Variants in FAM169A observed in about 807,000 individuals in gnomAD.
FAM169A encodes soluble lamin-associated protein of 75 kDa.
In FAM169A, 24 loss-of-function variants were observed where a neutral mutation model predicts 75.7. The observed-to-expected ratio is 0.32, with a 90% CI of 0.23 to 0.45. The LOEUF (loss-of-function observed/expected upper bound fraction) is 0.45. Ranked by LOEUF, FAM169A falls within the 20% of genes least tolerant of loss-of-function variation. FAM169A has a pLI of 1.00. For synonymous variants in FAM169A, 271 were observed against 271.0 expected (o/e 1.00, Z 0.00); for missense variants, 673 against 784.0 (o/e 0.86, Z 1.69).
In FAM169A at chr5:74,778,107, A is replaced by G. The variant is rs1745213346; in HGVS notation, c.*3353T>C. 1 of 152,082 alleles carries G rather than the reference A, an allele frequency of 6.6e-6. No individual in the cohort carries two copies. The highest frequency in any genetic ancestry group is 1.9e-4 in the East Asian group (1 of 5,208). The allele number at this position is 152,082 out of a possible 1,614,324, so 9.4% of individuals were successfully genotyped here. A position where few individuals can be genotyped will look rare whatever the true frequency, so the allele number is the denominator to read the frequency against. On this transcript the variant is annotated 3_prime_UTR_variant, in exon 13 of 13. Coordinates refer to ENST00000687041, the MANE Select transcript of FAM169A (RefSeq NM_001376049.1). ...GTAATTTCTGGATACTACAAAAATG[A>G]AGTTTGCTTGTTTTTTTTAGAACCA...
intron 6 of FAM169A, among the ~76,000 whole-genome samples, chr5:74,806,783 T>C (rs996330910): frequency 6.6e-6 from 1 of 152,160 alleles, no homozygotes; most frequent in African/African-American, 2.4e-5. Context: ...GTACTCAGAA[T>C]ATATAAAGAA....
intron 8 of FAM169A, among the ~76,000 whole-genome samples, chr5:74,802,396 A>G (rs570910214): frequency 7.1e-4 from 108 of 152,120 alleles, no homozygotes; most frequent in African/African-American, 2.5e-3. Context: ...AAAAAAAAAA[A>G]GAGGAAAAAA....
At chr5:74,865,070 T>G (rs987341717) in intron 1 of FAM169A, among the ~76,000 whole-genome samples, 1 of 152,246 alleles carries the variant, frequency 6.6e-6, no homozygotes, top group Non-Finnish European at 1.5e-5. Flanking sequence ...GTGTGCATTA[T>G]GCAACAGCCA....
At chr5:74,839,307 T>C (rs932016752) in intron 3 of FAM169A, among the ~76,000 whole-genome samples, 11 of 152,134 alleles carry the variant, frequency 7.2e-5, no homozygotes, top group Non-Finnish European at 1.5e-4. Flanking sequence ...GGGAGGGACC[T>C]GGTGAGAGGT....
intron 1 of FAM169A, among the ~76,000 whole-genome samples, chr5:74,860,234 T>C (rs1229619950): frequency 6.6e-6 from 1 of 152,194 alleles, no homozygotes; most frequent in African/African-American, 2.4e-5. Context: ...TCAGAATAAA[T>C]TAATCAGGTA....
intron 3 of FAM169A, 134 bp downstream of exon 3, chr5:74,839,940 T>C (rs1329928133): frequency 1.1e-5 from 6 of 546,172 alleles, no homozygotes; most frequent in African/African-American, 3.9e-5. Context: ...AATTAAGAAT[T>C]ACATTTTAAT....
chr5:74,792,238 A>G (rs1746014920), intron 11 of FAM169A, among the ~76,000 whole-genome samples: 1 of 152,168 alleles, frequency 6.6e-6, no homozygotes, highest in African/African-American at 2.4e-5. Context: ...GATTGGATTG[A>G]AGGATGCAAA....
intron 10 of FAM169A, 56 bp downstream of exon 10, chr5:74,800,824 T>C (rs1467705615): frequency 2.6e-5 from 24 of 920,496 alleles, no homozygotes; most frequent in Non-Finnish European, 3.3e-5. Context: ...TATAAAAGTA[T>C]AAACAAAAAA....
intron 10 of FAM169A, among the ~76,000 whole-genome samples, chr5:74,798,803 A>G (rs781763710): frequency 4.6e-5 from 7 of 152,214 alleles, no homozygotes; most frequent in Non-Finnish European, 8.8e-5. Flanking sequence ...AATTCACTGT[A>G]CTATTTATGG....
At chr5:74,836,545 G>T (rs1014733712) in intron 4 of FAM169A, among the ~76,000 whole-genome samples, 1 of 152,178 alleles carries the variant, frequency 6.6e-6, no homozygotes, top group African/African-American at 2.4e-5. Context: ...TTAAGTGTTT[G>T]TTAAGTACAA....
At chr5:74,840,830 AAAAAAAAAC>A (rs1014862792) in intron 2 of FAM169A, among the ~76,000 whole-genome samples, 2 of 151,730 alleles carry the variant, frequency 1.3e-5, no homozygotes, top group Non-Finnish European at 2.9e-5. Flanking sequence ...CTCCATCTCA[AAAAAAAAAC>A]AAAAAAAAAA....
At chr5:74,789,334 G>A (rs909294711) in intron 11 of FAM169A, among the ~76,000 whole-genome samples, 2 of 152,192 alleles carry the variant, frequency 1.3e-5, no homozygotes, top group Non-Finnish European at 2.9e-5. Context: ...GTTTCTAGGG[G>A]TCCAGTGGTG....
chr5:74,803,787 C>G (rs540927861), intron 8 of FAM169A, among the ~76,000 whole-genome samples: 1 of 152,144 alleles, frequency 6.6e-6, no homozygotes, highest in African/African-American at 2.4e-5. Flanking sequence ...GCATTACATT[C>G]TACAAAGACT....
intron 5 of FAM169A, among the ~76,000 whole-genome samples, chr5:74,815,021 C>T (rs1747396599): frequency 1.3e-5 from 2 of 152,078 alleles, no homozygotes; most frequent in Admixed American, 6.5e-5. Context: ...ATTTAATGAG[C>T]TGATCAATAT....
chr5:74,792,524 T>TCCTTGCTC (rs140520337), intron 11 of FAM169A, among the ~76,000 whole-genome samples: 15 of 151,728 alleles, frequency 9.9e-5, no homozygotes, highest in South Asian at 2.1e-4. Context: ...CTTCCTTGCT[T>TCCTTGCTC]CCTTGCTCCC....
intron 5 of FAM169A, among the ~76,000 whole-genome samples, chr5:74,824,258 CAAT>C (rs1377724858): frequency 1.3e-5 from 2 of 152,160 alleles, no homozygotes; most frequent in African/African-American, 2.4e-5. Flanking sequence ...AGCCAAATAA[CAAT>C]GAGTACTTCA....
At position 74,838,489 on chromosome 5, in the gene FAM169A, CG is replaced by C. The variant is rs551194038; in HGVS notation, c.318+475del. On this transcript the variant is annotated intron_variant, in intron 4 of 12. Coordinates refer to ENST00000687041, the MANE Select transcript of FAM169A (RefSeq NM_001376049.1). ...ATGAAAACCAGCTTCCTTCCTGCAACGTTCTTCAGCTGGCTGCCTTCTACTA... is the reference window on the plus strand; with the variant it reads ...ATGAAAACCAGCTTCCTTCCTGCAACTTCTTCAGCTGGCTGCCTTCTACTA... 2.8e-4 allele frequency among the ~76,000 whole-genome samples: 43 copies of C among 152,280 alleles called. No individual in the cohort carries two copies. The East Asian group carries it at 6.9e-3, about 25-fold the overall frequency.
chr5:74,824,291 G>A (rs769605078), intron 5 of FAM169A, among the ~76,000 whole-genome samples: 2 of 152,002 alleles, frequency 1.3e-5, no homozygotes, highest in Non-Finnish European at 2.9e-5. Context: ...ACTAATGATA[G>A]TGACCTCAAT....
chr5:74,815,234 G>C (rs1747409941), intron 5 of FAM169A, among the ~76,000 whole-genome samples: 1 of 151,058 alleles, frequency 6.6e-6, no homozygotes, highest in Non-Finnish European at 1.5e-5. Flanking sequence ...TTGTTGCCGA[G>C]GCTGGAGGGC....
Sources: allele counts gnomAD v4.1 joint callset (sites outside exome capture counted in the v4.1 genomes callset), GRCh38; gene constraint gnomAD v4.1.1; transcripts MANE v1.5; gene names NCBI Gene and HGNC (gene_info 2026-07-23, HGNC 2026-07-21).